Variants in ATP11C observed in about 807,000 individuals in gnomAD.
ATP11C encodes the protein phospholipid-transporting ATPase IG.
A neutral mutation model predicts 97.4 loss-of-function variants in ATP11C; 36 were observed. The ratio of observed to expected loss-of-function variants is 0.37; its 90% CI spans 0.28 to 0.49. The LOEUF is 0.49. ATP11C is among the 20% of genes least tolerant of loss of function. The probability of loss-of-function intolerance (pLI) is 0.98; values close to 1 mark genes in which losing one functional copy is unlikely to be tolerated. For missense variants in ATP11C, 730 were observed against 824.6 expected (o/e 0.89, Z 1.40); for synonymous variants, 275 against 290.9 (o/e 0.95, Z 0.56).
intron 8 of ATP11C, among the ~76,000 whole-genome samples, chrX:139,799,318 G>A (rs1192667531): frequency 9.0e-6 from 1 of 111,448 alleles, no homozygotes; most frequent in African/African-American, 3.3e-5. Flanking sequence ...CATACAATTC[G>A]TATACATAAA....
rs1164579034 is a variant in ATP11C, at chrX:139,782,702, G to A, written c.1797C>T (p.Ala599=). The part of the protein sequence containing the change: ...AMDGYRTLCV[A]FKEIAPDDYE... The stretch of plus-strand genomic sequence containing the variant: ...AATCATCTGGAGCAATTTCTTTGAA[G>A]GCTACACAGAGTGTCCGATACCCAT... Residue 599 remains alanine (A), a synonymous_variant, in exon 18 of 30, where the codon GCC becomes GCT. Coordinates refer to ENST00000682941, the MANE Select transcript of ATP11C (RefSeq NM_001353812.2). The A allele has an allele frequency of 3.3e-6, 4 of 1,203,129 alleles. No individual in the cohort carries two copies. The South Asian group carries it at 5.4e-5, about 16-fold the overall frequency.
At chrX:139,772,613 T>A (rs1177833953) in intron 19 of ATP11C, among the ~76,000 whole-genome samples, 1 of 112,099 alleles carries the variant, frequency 8.9e-6, no homozygotes, top group Non-Finnish European at 1.9e-5. Context: ...ACCTCTTGCA[T>A]CAGCATGACC....
intron 1 of ATP11C, among the ~76,000 whole-genome samples, chrX:139,902,816 G>C (rs141150349): frequency 8.9e-6 from 1 of 111,978 alleles, no homozygotes; most frequent in Admixed American, 9.5e-5. Context: ...GACCAGCACA[G>C]TGACAATTCT....
intron 5 of ATP11C, 117 bp downstream of exon 5, chrX:139,814,761 G>C: frequency 2.4e-6 from 1 of 417,090 alleles, no homozygotes; most frequent in East Asian, 4.6e-5. Context: ...AAAATGTTCT[G>C]GAACTAGATA....
intron 20 of ATP11C, among the ~76,000 whole-genome samples, chrX:139,765,725 C>A (rs2148679545): frequency 8.9e-6 from 1 of 111,908 alleles, no homozygotes; most frequent in South Asian, 3.8e-4. Context: ...GAGACATGGA[C>A]AGAAATATCT....
chrX:139,924,457 G>A (rs949711123), intron 1 of ATP11C, among the ~76,000 whole-genome samples: 2 of 111,483 alleles, frequency 1.8e-5, no homozygotes, highest in Non-Finnish European at 3.8e-5. Context: ...CAATATTTGC[G>A]TGATGGAAAG....
At chrX:139,771,299 A>C (rs779264329) in intron 19 of ATP11C, among the ~76,000 whole-genome samples, 1 of 111,374 alleles carries the variant, frequency 9.0e-6, no homozygotes, top group South Asian at 3.9e-4. Context: ...TCTCGCCTTG[A>C]TTCTGAGGCC....
chrX:139,797,207 T>C lies in ATP11C; in HGVS notation c.977A>G (p.Gln326Arg), dbSNP rs1190038325. ...GGTCTCTCGCTCTTTCTGAGTCTTT[T>C]GGTTATACCAAGGTTCATCATTGTA... is the stretch of plus-strand genomic sequence containing the variant. The part of the protein sequence containing the change: ...TPYNDEPWYN[Q>R]KTQKERETLK... Residue 326 changes from glutamine to arginine, a missense_variant, in exon 11 of 30, where the codon CAA becomes CGA. Coordinates refer to ENST00000682941, the MANE Select transcript of ATP11C (RefSeq NM_001353812.2). The C allele has an allele frequency of 8.3e-7, 1 of 1,201,783 alleles. No individual in the cohort carries two copies. Among genetic ancestry groups the C allele is most frequent in the Non-Finnish European group, 1.1e-6 (1 of 892,730 alleles).
intron 4 of ATP11C, 134 bp downstream of exon 4, chrX:139,816,729 A>T: frequency 2.6e-6 from 1 of 385,651 alleles, no homozygotes; most frequent in East Asian, 5.4e-5. Context: ...ATAGGTTTTC[A>T]AGAGGAACCA....
chrX:139,853,833 C>CAAAAAAAA (rs934664774), intron 1 of ATP11C, among the ~76,000 whole-genome samples: 7 of 21,264 alleles, frequency 3.3e-4, no homozygotes, highest in Admixed American at 7.7e-4. Context: ...TATCCTAAGT[C>CAAAAAAAA]AAAAAAAAAA....
intron 26 of ATP11C, among the ~76,000 whole-genome samples, chrX:139,741,493 G>A (rs1454824516): frequency 2.7e-5 from 3 of 111,059 alleles, no homozygotes; most frequent in Non-Finnish European, 5.7e-5. Flanking sequence ...CAGATAAGCT[G>A]AAAAGAAGTA....
In ATP11C at chrX:139,850,863, T is replaced by C. The variant is rs1029018775; in HGVS notation, c.28-24040A>G. Among the ~76,000 whole-genome samples the C allele has an allele frequency of 6.3e-5, 7 of 110,808 alleles. No individual in the cohort carries two copies. In the East Asian group the frequency reaches 1.4e-3, roughly 23 times the overall value. ...AGGCGGAGGCTGCAGTGAGCCAAGA[T>C]TGCACCACTGCACTCTAGACTGGGT... On this transcript the variant is annotated intron_variant, in intron 1 of 29. Coordinates refer to ENST00000682941, the MANE Select transcript of ATP11C (RefSeq NM_001353812.2).
chrX:139,770,346 A>G (rs946393699), intron 19 of ATP11C, among the ~76,000 whole-genome samples: 4 of 112,101 alleles, frequency 3.6e-5, no homozygotes, highest in Non-Finnish European at 7.5e-5. Context: ...GTGAGGTGCA[A>G]TATCTAAAGT....
intron 1 of ATP11C, among the ~76,000 whole-genome samples, chrX:139,864,387 A>G (rs1412584884): frequency 8.9e-6 from 1 of 112,279 alleles, no homozygotes; most frequent in Non-Finnish European, 1.9e-5. Flanking sequence ...ACAATAAGAC[A>G]AATTATCAAC....
chrX:139,863,702 G>C (rs1008178272), intron 1 of ATP11C, among the ~76,000 whole-genome samples: 1 of 110,478 alleles, frequency 9.1e-6, no homozygotes, highest in African/African-American at 3.3e-5. Context: ...TTTACTGATG[G>C]AAAGTACATT....
rs928906368 is a variant in ATP11C at position 139,837,058 on chromosome X, A to G, written c.28-10235T>C. Among the ~76,000 whole-genome samples, 31 of 111,619 alleles carry G rather than the reference A, an allele frequency of 2.8e-4. 3 individuals carry two copies. The highest frequency in any genetic ancestry group is 2.7e-3 in the Admixed American group (28 of 10,461). The stretch of plus-strand genomic sequence containing the variant: ...CAGGGAGGAGAGATAAAGCCATTTG[A>G]AATAATTTTTATTAGAGTGGATACA... On this transcript the variant is annotated intron_variant, in intron 1 of 29. Transcript: ENST00000682941.
chrX:139,764,794 A>G (rs2082102958), intron 20 of ATP11C, among the ~76,000 whole-genome samples: 1 of 112,229 alleles, frequency 8.9e-6, no homozygotes, highest in South Asian at 3.7e-4. Context: ...TGATGTGACT[A>G]TGAAATGCCA....
intron 1 of ATP11C, among the ~76,000 whole-genome samples, chrX:139,855,608 C>G (rs968730883): frequency 1.8e-5 from 2 of 112,167 alleles, no homozygotes; most frequent in African/African-American, 6.5e-5. Context: ...TTAACTCTTT[C>G]ATCTATCTAT....
At chrX:139,741,732 T>C (rs1273660837) in intron 26 of ATP11C, among the ~76,000 whole-genome samples, 3 of 112,051 alleles carry the variant, frequency 2.7e-5, no homozygotes, top group Non-Finnish European at 5.6e-5. Flanking sequence ...AATCTCTTCA[T>C]GTTTCTGCCA....
Sources: gnomAD v4.1 joint callset for allele counts (sites outside exome capture counted in the v4.1 genomes callset) on GRCh38, gnomAD v4.1.1 for gene constraint, MANE v1.5 for transcripts, NCBI Gene and HGNC (gene_info 2026-07-23, HGNC 2026-07-21) for gene names.